FAAH2: variants seen among roughly 807,000 people sequenced by gnomAD.
FAAH2 encodes fatty acid amide hydrolase 2.
Under a neutral mutation model 36.9 loss-of-function variants are expected in FAAH2, and 60 were observed. The ratio of observed to expected loss-of-function variants is 1.63; its 90% confidence interval spans 1.32 to 2.02. FAAH2 has a LOEUF of 2.02. FAAH2 is among the 30% of genes most tolerant of loss of function. The pLI is 0.00. For synonymous variants in FAAH2, 214 were observed against 143.8 expected (o/e 1.49, Z -3.49); for missense variants, 689 against 397.5 (o/e 1.73, Z -6.23).
chrX:57,404,156 G>A (rs1184093613), intron 7 of FAAH2, among the ~76,000 whole-genome samples: 1 of 112,245 alleles, frequency 8.9e-6, no homozygotes, highest in African/African-American at 3.2e-5. Flanking sequence ...GTGCTTTCAG[G>A]CTACATCCTT....
intron 10 of FAAH2, among the ~76,000 whole-genome samples, chrX:57,485,596 C>T (rs1159049989): frequency 2.7e-5 from 3 of 111,685 alleles, no homozygotes; most frequent in Admixed American, 9.5e-5. Context: ...ATTTTGATAG[C>T]GTCCCATAAT....
At chrX:57,372,734 T>C (rs1178880641) in intron 5 of FAAH2, among the ~76,000 whole-genome samples, 1 of 111,052 alleles carries the variant, frequency 9.0e-6, no homozygotes, top group Non-Finnish European at 1.9e-5. Flanking sequence ...AATTATTTTT[T>C]ATTACAATAG....
chrX:57,252,382 G>A, the FAAH2 span, among the ~76,000 whole-genome samples: 1 of 112,504 alleles, frequency 8.9e-6, no homozygotes, highest in Non-Finnish European at 1.9e-5. Context: ...TCTGAAGAGA[G>A]CAGTGATTCT....
At chrX:57,437,837 ATATAAT>A (rs975974585) in intron 8 of FAAH2, among the ~76,000 whole-genome samples, 7 of 102,536 alleles carry the variant, frequency 6.8e-5, no homozygotes, top group Admixed American at 3.4e-4. Flanking sequence ...TAATATATAA[ATATAAT>A]TATATGTACT....
chrX:57,301,174 G>A (rs1173827356), intron 2 of FAAH2, among the ~76,000 whole-genome samples: 1 of 109,192 alleles, frequency 9.2e-6, no homozygotes, highest in Non-Finnish European at 1.9e-5. Context: ...TATGTTTATT[G>A]CAGCACTATT....
chrX:57,313,348 C>A (rs1051426221), intron 3 of FAAH2, among the ~76,000 whole-genome samples: 1 of 108,615 alleles, frequency 9.2e-6, no homozygotes, highest in Non-Finnish European at 1.9e-5. Flanking sequence ...ACACCAGTCT[C>A]GGTGAAGAGG....
chrX:57,402,338 G>A (rs1053647920), intron 7 of FAAH2, among the ~76,000 whole-genome samples: 21 of 112,033 alleles, frequency 1.9e-4, no homozygotes, highest in East Asian at 1.1e-3. Context: ...AGCCCTATTA[G>A]GCACTCAATT....
chrX:57,324,772 C>G (rs190892074), intron 3 of FAAH2, among the ~76,000 whole-genome samples: 2 of 112,211 alleles, frequency 1.8e-5, no homozygotes, highest in East Asian at 5.6e-4. Context: ...AATATACAAT[C>G]ATGTGATCTG....
At chrX:57,314,072 G>T (rs1306681316) in intron 3 of FAAH2, among the ~76,000 whole-genome samples, 1 of 111,574 alleles carries the variant, frequency 9.0e-6, no homozygotes, top group Non-Finnish European at 1.9e-5. Flanking sequence ...AAACAAAAAA[G>T]AGCAGGAGTT....
At chrX:57,447,083 A>G in intron 9 of FAAH2, 44 bp downstream of exon 9, 2 of 924,938 alleles carry the variant, frequency 2.2e-6, no homozygotes, top group Non-Finnish European at 1.5e-6. Context: ...ATGTCCTGTA[A>G]TATTTCTTAA....
At chrX:57,268,145 A>G in the FAAH2 span, among the ~76,000 whole-genome samples, 2 of 112,274 alleles carry the variant, frequency 1.8e-5, no homozygotes, top group Non-Finnish European at 3.8e-5. Flanking sequence ...GCCAGAATAG[A>G]GACGAACATA....
the FAAH2 span, among the ~76,000 whole-genome samples, chrX:57,266,143 A>G: frequency 6.3e-5 from 7 of 111,357 alleles, no homozygotes; most frequent in African/African-American, 2.0e-4. Flanking sequence ...CCGTGATCCC[A>G]TTCCTCCTGA....
At chrX:57,265,000 C>G in the FAAH2 span, among the ~76,000 whole-genome samples, 4 of 111,675 alleles carry the variant, frequency 3.6e-5, no homozygotes, top group Non-Finnish European at 7.5e-5. Context: ...GGACGATGGC[C>G]CACTCGGGAG....
At chrX:57,272,087 C>A in the FAAH2 span, among the ~76,000 whole-genome samples, 1 of 107,622 alleles carries the variant, frequency 9.3e-6, no homozygotes, top group African/African-American at 3.4e-5. Flanking sequence ...AAAAACACAG[C>A]ATGAGAACGT....
At chrX:57,319,078 A>T (rs1360943703) in intron 3 of FAAH2, among the ~76,000 whole-genome samples, 3 of 112,185 alleles carry the variant, frequency 2.7e-5, no homozygotes, top group East Asian at 5.5e-4. Context: ...TAAATGGGCA[A>T]AAACTGGAAG....
intron 3 of FAAH2, among the ~76,000 whole-genome samples, chrX:57,329,099 T>G (rs1179987799): frequency 1.8e-5 from 2 of 112,234 alleles, no homozygotes; most frequent in East Asian, 5.6e-4. Flanking sequence ...TGTATGGGTT[T>G]ATGCTCCTCA....
At chrX:57,365,522 T>C (rs1244223948) in intron 5 of FAAH2, among the ~76,000 whole-genome samples, 2 of 111,994 alleles carry the variant, frequency 1.8e-5, no homozygotes, top group East Asian at 2.8e-4. Flanking sequence ...AAGAATCTGA[T>C]GACTCTGTGC....
At chrX:57,176,398 T>C in the FAAH2 span, among the ~76,000 whole-genome samples, 1 of 111,850 alleles carries the variant, frequency 8.9e-6, no homozygotes, top group East Asian at 2.8e-4. Flanking sequence ...TGTAGTTCAA[T>C]AAATTGTATT....
chrX:57,410,672 A>G (rs1374043775), intron 7 of FAAH2, among the ~76,000 whole-genome samples: 1 of 111,374 alleles, frequency 9.0e-6, no homozygotes, highest in Admixed American at 9.6e-5. Context: ...TTGCCTAAGT[A>G]TAGCCACCTC....
Sources: allele counts gnomAD v4.1 joint callset (sites outside exome capture counted in the v4.1 genomes callset), GRCh38; gene constraint gnomAD v4.1.1; transcripts MANE v1.5; gene names NCBI Gene and HGNC (gene_info 2026-07-23, HGNC 2026-07-21).